THBS4: variants seen among roughly 807,000 people sequenced by gnomAD.
The protein encoded by THBS4 is thrombospondin 4.
In THBS4, 90 loss-of-function variants were observed where a neutral mutation model predicts 115.7. That is an observed-to-expected ratio of 0.78 (90% CI 0.66 to 0.93). The LOEUF (loss-of-function observed/expected upper bound fraction) is 0.93. Among genes scored for constraint, THBS4 ranks in the 40% least tolerant of loss-of-function variants. THBS4 has a pLI of 0.00. For synonymous variants in THBS4, 460 were observed against 479.3 expected (o/e 0.96, Z 0.53); for missense variants, 1,087 against 1,232.7 (o/e 0.88, Z 1.77).
chr5:80,053,829 G>T (rs907311195), intron 2 of THBS4, among the ~76,000 whole-genome samples: 8 of 152,164 alleles, frequency 5.3e-5, no homozygotes, highest in Admixed American at 4.6e-4. Flanking sequence ...CTCCCAAAGT[G>T]CTGGGTTTGG....
Position 80,055,769 on chromosome 5 carries a change from C to G in THBS4, c.293-16C>G, listed in dbSNP as rs372997679. 6.2e-7 allele frequency: 1 copy of G among 1,605,442 alleles called. No individual in the cohort carries two copies. The highest frequency in any genetic ancestry group is 8.5e-7 in the Non-Finnish European group (1 of 1,174,396). Reference sequence around the variant, plus strand: ...GCCACTTATCACACCATTGGTTGACCTGTGCTTGCTTCCAGCCATCCTCCG... The same window carrying G: ...GCCACTTATCACACCATTGGTTGACGTGTGCTTGCTTCCAGCCATCCTCCG... On this transcript the variant is annotated splice_polypyrimidine_tract_variant and intron_variant, in intron 2 of 21. Transcript: ENST00000350881.
intron 2 of THBS4, among the ~76,000 whole-genome samples, chr5:80,030,287 C>T (rs1057034666): frequency 2.4e-4 from 37 of 152,090 alleles, no homozygotes; most frequent in Non-Finnish European, 5.9e-5. Flanking sequence ...GCAGTCTCAA[C>T]CTCCTGGGCC....
intron 2 of THBS4, among the ~76,000 whole-genome samples, chr5:80,050,430 C>T (rs184516853): frequency 1.2e-4 from 18 of 152,028 alleles, no homozygotes; most frequent in Non-Finnish European, 2.2e-4. Flanking sequence ...TCTTCTGTTC[C>T]TGGGTGTGAT....
intron 15 of THBS4, chr5:80,075,478 A>T (rs1329247627): frequency 6.6e-6 from 1 of 152,228 alleles, no homozygotes; most frequent in Non-Finnish European, 1.5e-5. Context: ...ACAGAGCCTG[A>T]CATCAGATGT....
chr5:80,053,781 G>A (rs1438735), intron 2 of THBS4, among the ~76,000 whole-genome samples: 82,455 of 151,952 alleles, frequency 0.54, 22,697 homozygotes, highest in African/African-American at 0.63. Flanking sequence ...GGTCAGGCTG[G>A]TCTTGAACTC....
In THBS4 at chr5:80,061,781, A is replaced by G. The variant is rs144811621; in HGVS notation, c.1074A>G (p.Thr358=). ...GTGACGCCTGCCCAGTGGGCTTCACAGGGCCCATGGTGCAGGGTGTTGGGA... is the reference window on the plus strand; with the variant it reads ...GTGACGCCTGCCCAGTGGGCTTCACGGGGCCCATGGTGCAGGGTGTTGGGA... The part of the protein sequence containing the change: ...FRCDACPVGF[T]GPMVQGVGIS... Residue 358 remains threonine (T), a synonymous_variant, in exon 8 of 22, where the codon ACA becomes ACG. Transcript: ENST00000350881. 8.6e-4 allele frequency: 1,387 copies of G among 1,614,094 alleles called. 2 individuals carry two copies. The highest frequency in any genetic ancestry group is 1.5e-3 in the Middle Eastern group (9 of 6,060).
chr5:80,072,336 G>A lies in THBS4; in HGVS notation c.1779G>A (p.Lys593=), dbSNP rs1834095437. 3 of 1,614,086 alleles carry A rather than the reference G, an allele frequency of 1.9e-6. No homozygotes were observed. The Admixed American group carries it at 5.0e-5, about 27-fold the overall frequency. ...TTCCCAATCGTGACCAACGGGACAAGGATGGTGATGGTGTGGGGGATGCCT... is the reference window on the plus strand; with the variant it reads ...TTCCCAATCGTGACCAACGGGACAAAGATGGTGATGGTGTGGGGGATGCCT... ...PKFPNRDQRD[K]DGDGVGDACD... Residue 593 remains lysine, a synonymous_variant, in exon 14 of 22, where the codon AAG becomes AAA. Coordinates refer to ENST00000350881, the MANE Select transcript of THBS4 (RefSeq NM_003248.6).
At chr5:80,067,864 C>G in intron 9 of THBS4, 109 bp from the exon 10 acceptor site, 1 of 1,306,584 alleles carries the variant, frequency 7.7e-7, no homozygotes, top group Non-Finnish European at 1.0e-6. Context: ...ATGCCTGATT[C>G]CTGCCAGCAA....
rs530847020 is a variant in THBS4 at position 80,056,160 on chromosome 5, A to G, written c.540+128A>G. 2.5e-6 allele frequency: 3 copies of G among 1,181,004 alleles called. No individual in the cohort carries two copies. The South Asian group carries it at 6.0e-5, about 24-fold the overall frequency. The allele number at this position is 1,181,004 out of a possible 1,614,324, so 73.2% of individuals were successfully genotyped here. On this transcript the variant is annotated intron_variant, in intron 3 of 21. Transcript: ENST00000350881. ...CTAATGCCGCTTGCACATCAGAATC[A>G]CCTGCGGAGCTTGAAAAGCAAGTGA...
chr5:79,997,226 A>G (rs1185175886), intron 1 of THBS4, among the ~76,000 whole-genome samples: 2 of 152,180 alleles, frequency 1.3e-5, no homozygotes, highest in African/African-American at 2.4e-5. Flanking sequence ...CAATACACCA[A>G]TTAAAAGACA....
At chr5:80,017,788 C>T (rs1445224420) in intron 2 of THBS4, among the ~76,000 whole-genome samples, 1 of 152,170 alleles carries the variant, frequency 6.6e-6, no homozygotes, top group East Asian at 1.9e-4. Context: ...AGGATCTATA[C>T]TCAGTTTTGT....
intron 2 of THBS4, among the ~76,000 whole-genome samples, chr5:80,017,381 T>C (rs1287910884): frequency 6.6e-6 from 1 of 152,198 alleles, no homozygotes; most frequent in African/African-American, 2.4e-5. Context: ...TAAGGAATTT[T>C]GTTCTTTGCT....
At chr5:80,000,773 A>G (rs1462196671) in intron 2 of THBS4, among the ~76,000 whole-genome samples, 4 of 152,146 alleles carry the variant, frequency 2.6e-5, no homozygotes, top group African/African-American at 9.7e-5. Context: ...AACTCAGTGT[A>G]AATATCCAGG....
At chr5:80,002,102 C>T (rs1030772047) in intron 2 of THBS4, among the ~76,000 whole-genome samples, 1 of 152,158 alleles carries the variant, frequency 6.6e-6, no homozygotes, top group Non-Finnish European at 1.5e-5. Flanking sequence ...ATATTTTATA[C>T]CATACCATGC....
chr5:80,068,812 A>G (rs1411902312), intron 10 of THBS4: 2 of 152,804 alleles, frequency 1.3e-5, no homozygotes, highest in African/African-American at 2.4e-5. Flanking sequence ...AGGGCCTGAC[A>G]TGGGTCCCAT....
rs375390488 is a variant in THBS4 at position 80,078,167 on chromosome 5, C to T, written c.2205C>T (p.Thr735=). ...VTLTDFRAYQ[T]VVLDPEGDAQ... ...TGACCGACTTCAGGGCTTACCAGAC[C>T]GTGGTCCTGGATCCTGAAGGGGATG... The change falls in exon 17 of 22, where the codon ACC becomes ACT. Residue 735 remains threonine (T), a synonymous_variant. Transcript: ENST00000350881. The T allele has an allele frequency of 3.1e-5, 50 of 1,610,026 alleles. No homozygotes were observed. The highest frequency in any genetic ancestry group is 4.0e-5 in the African/African-American group (3 of 74,878).
At chr5:80,047,135 G>T (rs181255232) in intron 2 of THBS4, among the ~76,000 whole-genome samples, 2 of 152,176 alleles carry the variant, frequency 1.3e-5, no homozygotes, top group Non-Finnish European at 2.9e-5. Flanking sequence ...AATATTTGCC[G>T]AATGAATGAA....
chr5:79,995,534 C>T (rs570223956), intron 1 of THBS4, among the ~76,000 whole-genome samples: 9 of 152,052 alleles, frequency 5.9e-5, no homozygotes, highest in South Asian at 2.1e-4. Context: ...TTGAAAGAGA[C>T]GACATGGTGA....
chr5:80,080,039 C>G lies in THBS4; in HGVS notation c.2646C>G (p.Arg882=). The G allele has an allele frequency of 1.2e-6, 2 of 1,614,098 alleles. No individual in the cohort carries two copies. Among genetic ancestry groups the G allele is most frequent in the Non-Finnish European group, 1.7e-6 (2 of 1,179,990 alleles). ...NVGWKDKVSY[R]WFLQHRPQVG... ...GCTGGAAGGACAAGGTGTCCTACCG[C>G]TGGTTCCTACAGCACAGGCCCCAGG... is the stretch of plus-strand genomic sequence containing the variant. The change falls in exon 20 of 22, where the codon CGC becomes CGG. Residue 882 remains arginine (R), a synonymous_variant. Transcript: ENST00000350881.
Sources: gnomAD v4.1 joint callset for allele counts (sites outside exome capture counted in the v4.1 genomes callset) on GRCh38, gnomAD v4.1.1 for gene constraint, MANE v1.5 for transcripts, NCBI Gene and HGNC (gene_info 2026-07-23, HGNC 2026-07-21) for gene names.